The following HYCC1 variants were observed in gnomAD, a reference collection of about 807,000 sequenced individuals.
HYCC1 encodes the protein hyccin.
At chr7:22,919,614 A>G in the HYCC1 span, among the ~76,000 whole-genome samples, 1 of 152,202 alleles carries the variant, frequency 6.6e-6, no homozygotes, top group East Asian at 1.9e-4. Flanking sequence ...TTAAAAAAAA[A>G]AAACTAATAA....
the HYCC1 span, among the ~76,000 whole-genome samples, chr7:22,956,367 T>C: frequency 5.3e-5 from 8 of 151,890 alleles, no homozygotes; most frequent in African/African-American, 1.9e-4. Context: ...TTCCCAAACA[T>C]ATTTACTGAC....
chr7:23,009,629 C>G, the HYCC1 span, among the ~76,000 whole-genome samples: 1 of 151,938 alleles, frequency 6.6e-6, no homozygotes, highest in East Asian at 1.9e-4. Flanking sequence ...TTTCCTATAT[C>G]CAAATCCTGA....
At chr7:23,009,149 A>G in the HYCC1 span, among the ~76,000 whole-genome samples, 1 of 152,124 alleles carries the variant, frequency 6.6e-6, no homozygotes, top group African/African-American at 2.4e-5. Context: ...CTCCAGTATT[A>G]TAATAGACAA....
At chr7:22,931,331 CCTTGAA>C in the HYCC1 span, among the ~76,000 whole-genome samples, 1 of 151,190 alleles carries the variant, frequency 6.6e-6, no homozygotes, top group East Asian at 1.9e-4. Flanking sequence ...GGAGCATAGG[CCTTGAA>C]TTCAGGCTTT....
At chr7:22,934,486 T>C in the HYCC1 span, 1 of 152,168 alleles carries the variant, frequency 6.6e-6, no homozygotes, top group African/African-American at 2.4e-5. Flanking sequence ...ATGGAAGAAG[T>C]AGCTGCAGAA....
chr7:22,938,470 C>G, the HYCC1 span: 1 of 152,180 alleles, frequency 6.6e-6, no homozygotes, highest in East Asian at 1.9e-4. Context: ...CTTTCTCTTA[C>G]CACAGTAAGT....
At chr7:22,977,416 T>A in the HYCC1 span, 1 of 1,557,138 alleles carries the variant, frequency 6.4e-7, no homozygotes, top group Non-Finnish European at 8.9e-7. Flanking sequence ...GTTTGTCAAC[T>A]ATTTCCTATA....
At chr7:22,908,848 T>G in the HYCC1 span, among the ~76,000 whole-genome samples, 2 of 152,198 alleles carry the variant, frequency 1.3e-5, no homozygotes. Context: ...GGTTTGGTAC[T>G]ATGCAGTATC....
chr7:23,002,929 T>C, the HYCC1 span, among the ~76,000 whole-genome samples: 1 of 152,172 alleles, frequency 6.6e-6, no homozygotes, highest in Non-Finnish European at 1.5e-5. Flanking sequence ...GGCTTATAGA[T>C]GGCGGTCTTC....
the HYCC1 span, chr7:22,942,245 T>C: frequency 6.6e-6 from 1 of 152,210 alleles, no homozygotes; most frequent in Non-Finnish European, 1.5e-5. Context: ...TAATATTTGC[T>C]GAGCAGTTGC....
At chr7:22,916,493 C>G in the HYCC1 span, among the ~76,000 whole-genome samples, 1 of 152,202 alleles carries the variant, frequency 6.6e-6, no homozygotes, top group African/African-American at 2.4e-5. Context: ...AAGTACAGGG[C>G]CGTGCAGTCA....
At chr7:22,956,116 TTTA>T in the HYCC1 span, among the ~76,000 whole-genome samples, 3 of 151,782 alleles carry the variant, frequency 2.0e-5, no homozygotes, top group African/African-American at 7.2e-5. Context: ...TAAAGCTTAT[TTTA>T]TTATTATCTT....
the HYCC1 span, chr7:22,984,065 T>A: frequency 1.4e-6 from 2 of 1,411,428 alleles, no homozygotes; most frequent in Non-Finnish European, 2.0e-6. Context: ...TTTAAAAAAA[T>A]ACATTTTACT....
the HYCC1 span, chr7:22,985,600 C>T: frequency 2.6e-5 from 4 of 151,464 alleles, no homozygotes; most frequent in South Asian, 4.2e-4. Flanking sequence ...ATTCTCCCGA[C>T]GGGGGAAAAA....
chr7:22,930,616 G>T, the HYCC1 span, among the ~76,000 whole-genome samples: 1 of 151,854 alleles, frequency 6.6e-6, no homozygotes, highest in Non-Finnish European at 1.5e-5. Context: ...CTCATTATTT[G>T]AAGCCACTAT....
At chr7:22,946,473 G>T in the HYCC1 span, among the ~76,000 whole-genome samples, 1 of 151,886 alleles carries the variant, frequency 6.6e-6, no homozygotes, top group African/African-American at 2.4e-5. Flanking sequence ...GAAATATCAC[G>T]CAGTAAAACT....
At chr7:22,997,354 T>C in the HYCC1 span, among the ~76,000 whole-genome samples, 11 of 152,308 alleles carry the variant, frequency 7.2e-5, no homozygotes, top group African/African-American at 2.6e-4. Flanking sequence ...TAAAACTTTT[T>C]ATAACCATTT....
the HYCC1 span, among the ~76,000 whole-genome samples, chr7:23,003,597 T>A: frequency 2.0e-5 from 3 of 152,214 alleles, no homozygotes; most frequent in Admixed American, 1.3e-4. Context: ...CTTTGATTCC[T>A]TAAAGTTCTT....
At chr7:22,934,551 C>T in the HYCC1 span, 3 of 152,192 alleles carry the variant, frequency 2.0e-5, no homozygotes, top group Non-Finnish European at 2.9e-5. Context: ...CCCAAGACCA[C>T]GCCAGCACCC....
Sources: allele counts gnomAD v4.1 joint callset (sites outside exome capture counted in the v4.1 genomes callset), GRCh38; gene constraint gnomAD v4.1.1; transcripts MANE v1.5; gene names NCBI Gene and HGNC (gene_info 2026-07-23, HGNC 2026-07-21).